Variants in PRKCQ observed in about 807,000 individuals in gnomAD.
The protein encoded by PRKCQ is protein kinase C theta type.
A neutral mutation model predicts 91.2 loss-of-function variants in PRKCQ; 41 were observed. That is an observed-to-expected ratio of 0.45 (90% CI 0.35 to 0.58). The LOEUF (loss-of-function observed/expected upper bound fraction) is 0.58. Among genes scored for constraint, PRKCQ ranks in the 20% least tolerant of loss-of-function variants. The probability of loss-of-function intolerance (pLI) is 0.00; values close to 1 mark genes in which losing one functional copy is unlikely to be tolerated. For synonymous variants in PRKCQ, 307 were observed against 316.9 expected (o/e 0.97, Z 0.33); for missense variants, 673 against 896.5 (o/e 0.75, Z 3.18).
chr10:6,564,172 A>T (rs766751917), intron 1 of PRKCQ, among the ~76,000 whole-genome samples: 1 of 152,278 alleles, frequency 6.6e-6, no homozygotes, highest in Non-Finnish European at 1.5e-5. Flanking sequence ...TTTGCAGGTG[A>T]TATGGAGTAA....
chr10:6,471,237 TC>T (rs146987709), intron 12 of PRKCQ, among the ~76,000 whole-genome samples: 19,214 of 152,184 alleles, frequency 0.13, 1,609 homozygotes, highest in Middle Eastern at 0.27. Flanking sequence ...GAAACATGCA[TC>T]TTGGTATCAA....
At chr10:6,506,658 T>A (rs1455707213) in intron 4 of PRKCQ, among the ~76,000 whole-genome samples, 1 of 152,204 alleles carries the variant, frequency 6.6e-6, no homozygotes, top group Non-Finnish European at 1.5e-5. Flanking sequence ...TTGTTTGAAT[T>A]TAGACACGGA....
intron 8 of PRKCQ, among the ~76,000 whole-genome samples, chr10:6,489,104 T>C (rs981567663): frequency 6.7e-6 from 1 of 148,668 alleles, no homozygotes. Context: ...ATAGAAAGGA[T>C]TTTTTTTTTT....
intron 4 of PRKCQ, among the ~76,000 whole-genome samples, chr10:6,500,656 ATATT>A (rs1471844503): frequency 2.0e-5 from 3 of 152,008 alleles, no homozygotes; most frequent in Non-Finnish European, 4.4e-5. Flanking sequence ...TGTATTGACT[ATATT>A]TATTTCTCTA....
intron 15 of PRKCQ, among the ~76,000 whole-genome samples, chr10:6,442,845 C>G (rs186261646): frequency 7.2e-5 from 11 of 152,204 alleles, no homozygotes; most frequent in Admixed American, 2.0e-4. Context: ...GCTTGTAATC[C>G]TAGCTACTCC....
chr10:6,402,579 C>T, the PRKCQ span, among the ~76,000 whole-genome samples: 1 of 152,132 alleles, frequency 6.6e-6, no homozygotes. Context: ...AGAAGAGTGG[C>T]AGTAACTACT....
In PRKCQ at chr10:6,485,901, C is replaced by A. The variant is rs146900958; in HGVS notation, c.900+134G>T. On this transcript the variant is annotated intron_variant, in intron 9 of 17. Transcript: ENST00000263125. ...GGGGGTGTGGGCATGGATATGAAAG[C>A]CAAGGGCAAGGCCGGTGCTCAGAAA... is the stretch of plus-strand genomic sequence containing the variant. The A allele has an allele frequency of 5.0e-3, 3,434 of 692,090 alleles. 11 individuals carry two copies. Among genetic ancestry groups the A allele is most frequent in the Middle Eastern group, 7.8e-3 (19 of 2,442 alleles). 42.9% of individuals were successfully genotyped at this position (692,090 alleles called of 1,614,324 possible).
At chr10:6,569,423 C>T (rs189225136) in intron 1 of PRKCQ, among the ~76,000 whole-genome samples, 5 of 151,902 alleles carry the variant, frequency 3.3e-5, no homozygotes, top group Non-Finnish European at 7.4e-5. Flanking sequence ...TGGAGGAACC[C>T]GATGTGAGGG....
chr10:6,513,447 C>CAAAAAAA (rs58606251), intron 2 of PRKCQ, among the ~76,000 whole-genome samples: 5 of 105,562 alleles, frequency 4.7e-5, no homozygotes, highest in African/African-American at 1.2e-4. Flanking sequence ...AGGCCAAATG[C>CAAAAAAA]AAAAAAAAAA....
rs761983383 is a variant in PRKCQ at position 6,486,031 on chromosome 10, C to T, written c.900+4G>A. On this transcript the variant is annotated splice_donor_region_variant and intron_variant, in intron 9 of 17. Coordinates refer to ENST00000263125, the MANE Select transcript of PRKCQ (RefSeq NM_006257.5). ...GGGAACGTGTCCACGGCACATGCTC[C>T]TACCTGTTGAGTGCTCTCAATCATG... 6.2e-7 allele frequency: 1 copy of T among 1,612,738 alleles called. No individual in the cohort carries two copies. Among genetic ancestry groups the T allele is most frequent in the Non-Finnish European group, 8.5e-7 (1 of 1,179,330 alleles).
At chr10:6,494,580 C>G (rs966784778) in intron 7 of PRKCQ, among the ~76,000 whole-genome samples, 1 of 152,220 alleles carries the variant, frequency 6.6e-6, no homozygotes, top group Non-Finnish European at 1.5e-5. Flanking sequence ...CTCAACTGCA[C>G]AGAACACAAC....
chr10:6,569,679 G>C (rs1461326696), intron 1 of PRKCQ, among the ~76,000 whole-genome samples: 1 of 152,114 alleles, frequency 6.6e-6, no homozygotes, highest in Non-Finnish European at 1.5e-5. Flanking sequence ...GAGGAATTGG[G>C]GTGAGTGAAT....
intron 4 of PRKCQ, among the ~76,000 whole-genome samples, chr10:6,504,670 A>C (rs145920184): frequency 2.6e-5 from 4 of 152,254 alleles, no homozygotes; most frequent in African/African-American, 9.6e-5. Flanking sequence ...CCCTGAGGAG[A>C]AGAACACGTT....
intron 1 of PRKCQ, among the ~76,000 whole-genome samples, chr10:6,542,595 C>G (rs1023105319): frequency 1.3e-5 from 2 of 152,220 alleles, no homozygotes; most frequent in Non-Finnish European, 2.9e-5. Flanking sequence ...GTGAACAGTT[C>G]TCCCTCGGGG....
chr10:6,556,701 A>G (rs1292735533), intron 1 of PRKCQ, among the ~76,000 whole-genome samples: 2 of 152,092 alleles, frequency 1.3e-5, no homozygotes, highest in African/African-American at 4.8e-5. Flanking sequence ...AAAACAATGA[A>G]TTATGTAAGC....
intron 1 of PRKCQ, among the ~76,000 whole-genome samples, chr10:6,540,462 C>CTCCA (rs1839734484): frequency 6.6e-6 from 1 of 152,172 alleles, no homozygotes; most frequent in African/African-American, 2.4e-5. Context: ...ACTCTAGGAA[C>CTCCA]CTCGTATAAG....
chr10:6,439,112 G>C (rs1833842541), intron 16 of PRKCQ, among the ~76,000 whole-genome samples: 1 of 152,236 alleles, frequency 6.6e-6, no homozygotes, highest in African/African-American at 2.4e-5. Context: ...CTAGAGTCCA[G>C]ATCTTTCTTG....
At chr10:6,577,312 T>G (rs1386727126) in intron 1 of PRKCQ, among the ~76,000 whole-genome samples, 1 of 152,216 alleles carries the variant, frequency 6.6e-6, no homozygotes, top group Non-Finnish European at 1.5e-5. Flanking sequence ...ATTTTCACCA[T>G]TGTAAGGAAA....
intron 15 of PRKCQ, among the ~76,000 whole-genome samples, chr10:6,454,224 G>C (rs12248888): frequency 0.39 from 58,778 of 151,938 alleles, 11,743 homozygotes; most frequent in East Asian, 0.5. Context: ...CAGATCTTGG[G>C]GATGCTTTTC....
Sources: gnomAD v4.1 joint callset for allele counts (sites outside exome capture counted in the v4.1 genomes callset) on GRCh38, gnomAD v4.1.1 for gene constraint, MANE v1.5 for transcripts, NCBI Gene and HGNC (gene_info 2026-07-23, HGNC 2026-07-21) for gene names.